Variants in IPO13 observed in about 807,000 individuals in gnomAD.
IPO13 encodes the protein importin 13.
In IPO13, 28 loss-of-function variants were observed where a neutral mutation model predicts 115.5. The observed-to-expected ratio is 0.24, with a 90% CI of 0.18 to 0.33. The LOEUF (loss-of-function observed/expected upper bound fraction) is 0.33. Among genes scored for constraint, IPO13 ranks in the 10% least tolerant of loss-of-function variants. The probability of loss-of-function intolerance (pLI) is 1.00; values close to 1 mark genes in which losing one functional copy is unlikely to be tolerated. For synonymous variants in IPO13, 414 were observed against 478.9 expected (o/e 0.86, Z 1.77); for missense variants, 785 against 1,204.6 (o/e 0.65, Z 5.16).
At position 43,958,752 on chromosome 1, in the gene IPO13, C is replaced by T. The variant is rs2085269577; in HGVS notation, c.1891C>T (p.Pro631Ser). The change falls in exon 11 of 20, where the codon CCC becomes TCC. Residue 631 changes from proline (P) to serine (S), a missense_variant. By Grantham distance (74) the Pro-to-Ser change is moderately conservative. This residue lies in a region of IPO13 where 175 missense variants were observed against 360.0 expected (regional missense o/e 0.49). Transcript: ENST00000372343. The surrounding 1 kb of genome is among the most constrained non-coding windows in gnomAD (Gnocchi z 6.3). ...LEKLAEEIPN[P>S]SNKLAIVHIL... ...GGTTTGCTTCTCCCTGCAGCCCAAT[C>T]CCTCCAACAAGCTGGCCATTGTTCA... 1.2e-6 allele frequency: 2 copies of T among 1,614,044 alleles called. No individual in the cohort carries two copies. Among genetic ancestry groups the T allele is most frequent in the Non-Finnish European group, 1.7e-6 (2 of 1,180,020 alleles).
Position 43,967,038 on chromosome 1 carries a change from G to A in IPO13, c.2613+19G>A. 1.2e-6 allele frequency: 2 copies of A among 1,608,852 alleles called. No homozygotes were observed. Among genetic ancestry groups the A allele is most frequent in the South Asian group, 1.1e-5 (1 of 90,984 alleles). ...GCTGGAGGTGAGACGGAGCAAAGGG[G>A]GGTTTGATGGGGGTGAGGGCCCCTC... On this transcript the variant is annotated intron_variant, in intron 18 of 19. Coordinates refer to ENST00000372343, the MANE Select transcript of IPO13 (RefSeq NM_014652.4). The surrounding 1 kb of genome is among the most constrained non-coding windows in gnomAD (Gnocchi z 6.1).
At position 43,947,609 on chromosome 1, in the gene IPO13, G is replaced by A; in HGVS notation, c.9G>A (p.Arg3=). ME[R]REEQPGAAGA... ...CCAGGGAGGGAGCAAAGATGGAGCG[G>A]CGGGAGGAGCAGCCGGGGGCTGCAG... Residue 3 remains arginine, a synonymous_variant, in exon 1 of 20, where the codon CGG becomes CGA. Transcript: ENST00000372343. The A allele has an allele frequency of 1.5e-6, 2 of 1,315,658 alleles. No homozygotes were observed. Among genetic ancestry groups the A allele is most frequent in the Non-Finnish European group, 2.0e-6 (2 of 1,025,168 alleles). 81.5% of individuals were successfully genotyped at this position (1,315,658 alleles called of 1,614,324 possible).
In IPO13 at chr1:43,956,771, G is replaced by C. The variant is rs757943180; in HGVS notation, c.1105-39G>C. 6.2e-7 allele frequency: 1 copy of C among 1,613,552 alleles called. No homozygotes were observed. Among genetic ancestry groups the C allele is most frequent in the Non-Finnish European group, 8.5e-7 (1 of 1,179,614 alleles). On this transcript the variant is annotated intron_variant, in intron 4 of 19. Transcript: ENST00000372343. The surrounding 1 kb of genome is among the most constrained non-coding windows in gnomAD (Gnocchi z 4.7). ...AGGTGGATCATGGGCTTCTATGACT[G>C]CTGGTGAGGTGGCTAATTCTCTTCC...
chr1:43,956,074 A>G lies in IPO13; in HGVS notation c.822-246A>G, dbSNP rs1328473124. On this transcript the variant is annotated intron_variant, in intron 2 of 19. Coordinates refer to ENST00000372343, the MANE Select transcript of IPO13 (RefSeq NM_014652.4). This position sits in a 1 kb window ranked among gnomAD's most constrained non-coding sequence, Gnocchi z 4.7. ...GCTCTCAGTCCAACTGGAGAACACA[A>G]TTCAACCCATAATGCTGACCTTCTC... Among the ~76,000 whole-genome samples, 1 of 151,948 alleles carries G rather than the reference A, an allele frequency of 6.6e-6. No homozygotes were observed. Among genetic ancestry groups the G allele is most frequent in the East Asian group, 1.9e-4 (1 of 5,192 alleles).
At chr1:43,954,664 G>A (rs1352228928) in intron 2 of IPO13, among the ~76,000 whole-genome samples, 1 of 152,168 alleles carries the variant, frequency 6.6e-6, no homozygotes, top group Admixed American at 6.5e-5. Flanking sequence ...GCTTCTCTCA[G>A]TCCCCTTTGT....
chr1:43,964,898 C>G (rs2085311800), intron 15 of IPO13, among the ~76,000 whole-genome samples: 1 of 152,010 alleles, frequency 6.6e-6, no homozygotes, highest in Non-Finnish European at 1.5e-5. Context: ...GTGTGTGAGA[C>G]CTTATTTTGT....
chr1:43,961,719 C>T (rs1023898000), intron 14 of IPO13, among the ~76,000 whole-genome samples: 7 of 152,294 alleles, frequency 4.6e-5, no homozygotes, highest in Admixed American at 2.0e-4. Context: ...ATCTGTGAAA[C>T]GGAGATAACA....
chr1:43,966,661 C>T lies in IPO13; in HGVS notation c.2464+20C>T. 1 of 1,614,092 alleles carries T rather than the reference C, an allele frequency of 6.2e-7. No homozygotes were observed. The highest frequency in any genetic ancestry group is 1.6e-4 in the Middle Eastern group (1 of 6,062). ...AGTGTGGTAAGTGGGGCGAGATGGACAGGTGGGCCTGGGGCTCCCCTAGAA... is the reference window on the plus strand; with the variant it reads ...AGTGTGGTAAGTGGGGCGAGATGGATAGGTGGGCCTGGGGCTCCCCTAGAA... On this transcript the variant is annotated intron_variant, in intron 16 of 19. Coordinates refer to ENST00000372343, the MANE Select transcript of IPO13 (RefSeq NM_014652.4). This position sits in a 1 kb window ranked among gnomAD's most constrained non-coding sequence, Gnocchi z 4.1.
chr1:43,953,786 G>A (rs563970022), intron 2 of IPO13, among the ~76,000 whole-genome samples: 135 of 152,328 alleles, frequency 8.9e-4, no homozygotes, highest in African/African-American at 3.1e-3. Context: ...TGGAGGGAAA[G>A]TGAATTAGGC....
intron 7 of IPO13, 54 bp downstream of exon 7, chr1:43,957,603 C>T: frequency 1.3e-6 from 2 of 1,597,772 alleles, no homozygotes; most frequent in South Asian, 1.1e-5. Context: ...GCACCCAACC[C>T]TGGCCACAGC....
rs1190494771 is a variant in IPO13 at position 43,949,494 on chromosome 1, C to T, written c.162C>T (p.Val54=). 1 of 1,614,158 alleles carries T rather than the reference C, an allele frequency of 6.2e-7. No homozygotes were observed. The highest frequency in any genetic ancestry group is 8.5e-7 in the Non-Finnish European group (1 of 1,180,008). ...AGAAGTGGCTGATGCAGGCCCAGGT[C>T]TCCCCACAGGCCTGGCACTTCAGCT... ...LAQKWLMQAQ[V]SPQAWHFSWQ... The change falls in exon 2 of 20, where the codon GTC becomes GTT. Residue 54 remains valine, a synonymous_variant. Coordinates refer to ENST00000372343, the MANE Select transcript of IPO13 (RefSeq NM_014652.4).
rs750678833 is a variant in IPO13 at position 43,960,938 on chromosome 1, G to A, written c.2172G>A (p.Val724=). The change falls in exon 13 of 20, where the codon GTG becomes GTA. Residue 724 remains valine (V), a synonymous_variant. Coordinates refer to ENST00000372343, the MANE Select transcript of IPO13 (RefSeq NM_014652.4). ...TGCTGGATGACTTTGCCCCCATGGT[G>A]CCACAGCTGTGTGAGATGCTGGGTC... is the stretch of plus-strand genomic sequence containing the variant. ...KTLLDDFAPM[V]PQLCEMLGRM... The A allele has an allele frequency of 5.6e-6, 9 of 1,614,092 alleles. No individual in the cohort carries two copies. The East Asian group carries it at 2.0e-4, about 36-fold the overall frequency.
In IPO13 at chr1:43,956,635, C is replaced by T; in HGVS notation, c.1038C>T (p.Ile346=). 1.9e-6 allele frequency: 3 copies of T among 1,614,212 alleles called. No individual in the cohort carries two copies. Among genetic ancestry groups the T allele is most frequent in the South Asian group, 1.1e-5 (1 of 91,088 alleles). The change falls in exon 4 of 20, where the codon ATC becomes ATT. Residue 346 remains isoleucine (I), a synonymous_variant. Coordinates refer to ENST00000372343, the MANE Select transcript of IPO13 (RefSeq NM_014652.4). The surrounding 1 kb of genome is among the most constrained non-coding windows in gnomAD (Gnocchi z 4.7). ...ACATGATTATGTTCTGCACAGGCAT[C>T]CCTGGCCACTATCCTGTCAATGAGA... ...LVNMIMFCTG[I]PGHYPVNETT...
In IPO13 at chr1:43,949,979, G is replaced by A; in HGVS notation, c.647G>A (p.Ser216Asn). ...EQLLQQPSSP[S>N]CVRQKVLKCF... is the part of the protein sequence containing the mutation. ...CTGCTACAGCAGCCCAGCTCACCCA[G>A]CTGTGTGCGTCAGAAGGTGCTCAAG... Residue 216 changes from serine (S) to asparagine (N), a missense_variant, in exon 2 of 20, where the codon AGC becomes AAC. Ser to Asn is a conservative substitution (Grantham distance 46). Coordinates refer to ENST00000372343, the MANE Select transcript of IPO13 (RefSeq NM_014652.4). 1 of 1,611,852 alleles carries A rather than the reference G, an allele frequency of 6.2e-7. No homozygotes were observed. The highest frequency in any genetic ancestry group is 8.5e-7 in the Non-Finnish European group (1 of 1,179,590).
At chr1:43,964,756 T>A (rs1333942287) in intron 15 of IPO13, among the ~76,000 whole-genome samples, 1 of 152,122 alleles carries the variant, frequency 6.6e-6, no homozygotes, top group Non-Finnish European at 1.5e-5. Flanking sequence ...TGGGAGCAGC[T>A]CCAAAGCGAG....
At position 43,967,979 on chromosome 1, in the gene IPO13, T is replaced by C; in HGVS notation, c.*297T>C. 2 of 510,152 alleles carry C rather than the reference T, an allele frequency of 3.9e-6. No homozygotes were observed. The highest frequency in any genetic ancestry group is 4.8e-5 in the South Asian group (2 of 41,492). The allele number at this position is 510,152 out of a possible 1,614,324, so 31.6% of individuals were successfully genotyped here. A position where few individuals can be genotyped will look rare whatever the true frequency, so the allele number is the denominator to read the frequency against. On this transcript the variant is annotated 3_prime_UTR_variant, in exon 20 of 20. Coordinates refer to ENST00000372343, the MANE Select transcript of IPO13 (RefSeq NM_014652.4). This position sits in a 1 kb window ranked among gnomAD's most constrained non-coding sequence, Gnocchi z 6.1. ...CCTTGGGGCGGGGTGGTTGCAGTAG[T>C]GTCATCAACCCCCCCATCCCCATTA... is the stretch of plus-strand genomic sequence containing the variant.
Position 43,967,237 on chromosome 1 carries a change from G to GA in IPO13, c.2614-77dup. 2 of 1,469,236 alleles carry GA rather than the reference G, an allele frequency of 1.4e-6. No homozygotes were observed. Among genetic ancestry groups the GA allele is most frequent in the Non-Finnish European group, 1.9e-6 (2 of 1,060,832 alleles). 91.0% of individuals were successfully genotyped at this position (1,469,236 alleles called of 1,614,324 possible). On this transcript the variant is annotated intron_variant, in intron 18 of 19. Coordinates refer to ENST00000372343, the MANE Select transcript of IPO13 (RefSeq NM_014652.4). This position sits in a 1 kb window ranked among gnomAD's most constrained non-coding sequence, Gnocchi z 6.1. ...TGCAGTTTGGCTTAGGAACTGTCCA[G>GA]AGGGCAGTTAGGCATTCTTGCTGCA...
intron 2 of IPO13, among the ~76,000 whole-genome samples, chr1:43,955,328 C>T (rs1472301002): frequency 6.6e-6 from 1 of 151,720 alleles, no homozygotes. Flanking sequence ...CACTCTTGTT[C>T]AATCACCCCT....
In IPO13 at chr1:43,967,459, C is replaced by T. The variant is rs766403015; in HGVS notation, c.2758C>T (p.Pro920Ser). The T allele has an allele frequency of 7.4e-6, 12 of 1,614,152 alleles. No individual in the cohort carries two copies. Among genetic ancestry groups the T allele is most frequent in the Non-Finnish European group, 9.3e-6 (11 of 1,180,034 alleles). The change falls in exon 19 of 20, where the codon CCT becomes TCT. Residue 920 changes from proline to serine, a missense_variant. By Grantham distance (74) the Pro-to-Ser change is moderately conservative. Coordinates refer to ENST00000372343, the MANE Select transcript of IPO13 (RefSeq NM_014652.4). The surrounding 1 kb of genome is among the most constrained non-coding windows in gnomAD (Gnocchi z 6.1). ...PPGFPSARLS[P>S]EQKDTFSQQI... ...TGGTTTCCCCTCTGCCCGCCTCAGC[C>T]CTGAACAGAAGGATACCTTCAGCCA...
Sources: allele counts gnomAD v4.1 joint callset (sites outside exome capture counted in the v4.1 genomes callset), GRCh38; gene constraint gnomAD v4.1.1; regional missense constraint gnomAD v4.1.1; non-coding constraint Gnocchi (gnomAD v3.1); transcripts MANE v1.5; gene names NCBI Gene and HGNC (gene_info 2026-07-23, HGNC 2026-07-21).